METTL25: variants seen among roughly 807,000 people sequenced by gnomAD.
METTL25 encodes probable methyltransferase-like protein 25.
A neutral mutation model predicts 71.6 loss-of-function variants in METTL25; 64 were observed. The ratio of observed to expected loss-of-function variants is 0.89; its 90% confidence interval spans 0.73 to 1.10. The LOEUF (loss-of-function observed/expected upper bound fraction) is 1.10, where lower values mean the gene tolerates loss of function less well. METTL25 is among the 50% of genes least tolerant of loss of function. METTL25 has a pLI of 0.00. For missense variants in METTL25, 807 were observed against 707.0 expected, an observed-to-expected ratio of 1.14 and a Z score of -1.60; for synonymous variants, 287 against 250.3, an observed-to-expected ratio of 1.15 and a Z score of -1.38.
At chr12:82,405,237 C>T (rs561515319) in intron 5 of METTL25, among the ~76,000 whole-genome samples, 1 of 152,176 alleles carries the variant, frequency 6.6e-6, no homozygotes, top group Admixed American at 6.5e-5. Flanking sequence ...CTCTCACACT[C>T]TTTTCTGCAC....
chr12:82,467,128 TAA>T (rs562194761), intron 9 of METTL25, among the ~76,000 whole-genome samples: 1 of 144,674 alleles, frequency 6.9e-6, no homozygotes, highest in Admixed American at 6.9e-5. Context: ...GTTGGGTCTT[TAA>T]AAAAAAAAAA....
At chr12:82,437,236 A>G (rs1041799027) in intron 7 of METTL25, among the ~76,000 whole-genome samples, 1 of 151,704 alleles carries the variant, frequency 6.6e-6, no homozygotes, top group Non-Finnish European at 1.5e-5. Flanking sequence ...TTATATAAGA[A>G]TTGTGCCTTT....
At chr12:82,416,037 T>C (rs536181122) in intron 5 of METTL25, among the ~76,000 whole-genome samples, 2 of 152,248 alleles carry the variant, frequency 1.3e-5, no homozygotes, top group South Asian at 4.1e-4. Context: ...AGAGTCTATA[T>C]CTCAGTGATT....
At chr12:82,375,763 A>G (rs1883781322) in intron 1 of METTL25, among the ~76,000 whole-genome samples, 1 of 152,238 alleles carries the variant, frequency 6.6e-6, no homozygotes, top group African/African-American at 2.4e-5. Context: ...CCTTTATAAT[A>G]TCAGTATTCT....
chr12:82,378,565 T>A (rs1044689597), intron 1 of METTL25, among the ~76,000 whole-genome samples: 5 of 152,190 alleles, frequency 3.3e-5, no homozygotes, highest in Admixed American at 6.5e-5. Context: ...GAATAGAAGA[T>A]GAAATTGAAC....
chr12:82,458,075 A>T (rs922265973), intron 9 of METTL25, among the ~76,000 whole-genome samples: 2 of 152,088 alleles, frequency 1.3e-5, no homozygotes, highest in Admixed American at 6.6e-5. Flanking sequence ...AAAATTTATT[A>T]TCATTCCTTC....
intron 5 of METTL25, chr12:82,407,704 T>G (rs552635924): frequency 6.8e-5 from 31 of 453,358 alleles, no homozygotes; most frequent in Non-Finnish European, 8.4e-5. Flanking sequence ...GCAACGTGAG[T>G]ACCCTCAAAT....
intron 3 of METTL25, among the ~76,000 whole-genome samples, chr12:82,392,952 T>A (rs1885734600): frequency 6.6e-6 from 1 of 152,072 alleles, no homozygotes; most frequent in Non-Finnish European, 1.5e-5. Context: ...TGCATGGATT[T>A]AATTCTGGGT....
intron 5 of METTL25, among the ~76,000 whole-genome samples, chr12:82,417,023 A>G (rs888954627): frequency 6.6e-6 from 1 of 152,156 alleles, no homozygotes; most frequent in Admixed American, 6.6e-5. Context: ...TTGCAACTAA[A>G]ACTGAGAGGT....
chr12:82,474,391 A>G (rs1166431008), intron 9 of METTL25: 1 of 152,220 alleles, frequency 6.6e-6, no homozygotes, highest in Admixed American at 6.5e-5. Context: ...ATCAAATCTC[A>G]TCTGTATATT....
chr12:82,434,074 A>C (rs1363561272), intron 6 of METTL25, among the ~76,000 whole-genome samples: 1 of 151,260 alleles, frequency 6.6e-6, no homozygotes, highest in Admixed American at 6.6e-5. Flanking sequence ...TTTTAAATAA[A>C]TATAAATGCA....
intron 1 of METTL25, among the ~76,000 whole-genome samples, chr12:82,385,702 T>C (rs1884924359): frequency 6.6e-6 from 1 of 152,156 alleles, no homozygotes; most frequent in African/African-American, 2.4e-5. Flanking sequence ...AGCAGGGGTG[T>C]GCTGCAGTAA....
At position 82,435,316 on chromosome 12, in the gene METTL25, C is replaced by A. The variant is rs988177700; in HGVS notation, c.1404+592C>A. ...TTTAACCTAAAGTTTAGAAATATTT[C>A]TTTTGCTTTTGTTCAAGGAACATTA... is the stretch of plus-strand genomic sequence containing the variant. On this transcript the variant is annotated intron_variant, in intron 7 of 11. Coordinates refer to ENST00000248306, the MANE Select transcript of METTL25 (RefSeq NM_032230.3). 4.6e-5 allele frequency among the ~76,000 whole-genome samples: 7 copies of A among 151,178 alleles called. No homozygotes were observed. In the East Asian group the frequency reaches 1.2e-3, roughly 25 times the overall value.
chr12:82,424,336 T>G, intron 5 of METTL25, among the ~76,000 whole-genome samples: 1 of 150,332 alleles, frequency 6.7e-6, no homozygotes. Flanking sequence ...AATTGAACAT[T>G]GAGAACACTT....
At position 82,438,628 on chromosome 12, in the gene METTL25, G is replaced by A. The variant is rs77870060; in HGVS notation, c.1405-90G>A. 4.2e-3 allele frequency: 2,933 copies of A among 704,586 alleles called. 111 individuals carry two copies. In the East Asian group the frequency reaches 0.074, roughly 18 times the overall value. The allele number at this position is 704,586 out of a possible 1,614,324, so 43.6% of individuals were successfully genotyped here. Reference sequence around the variant, plus strand: ...TCTGTGTTTAGCAACAAAGGTTTCTGACAGTCACGTGTGGTTCCAACATTC... The same window carrying A: ...TCTGTGTTTAGCAACAAAGGTTTCTAACAGTCACGTGTGGTTCCAACATTC... On this transcript the variant is annotated intron_variant, in intron 7 of 11. Coordinates refer to ENST00000248306, the MANE Select transcript of METTL25 (RefSeq NM_032230.3).
chr12:82,455,312 G>A lies in METTL25; in HGVS notation c.1479-1415G>A, dbSNP rs544541619. Among the ~76,000 whole-genome samples the A allele has an allele frequency of 3.3e-5, 5 of 151,934 alleles. No individual in the cohort carries two copies. In the South Asian group the frequency reaches 1.0e-3, roughly 31 times the overall value. On this transcript the variant is annotated intron_variant, in intron 8 of 11. Transcript: ENST00000248306. Reference sequence around the variant, plus strand: ...ATATGGTATCTGTTACACCTAAGATGTATAGGATCTGAGAATAATGTGTAT... The same window carrying A: ...ATATGGTATCTGTTACACCTAAGATATATAGGATCTGAGAATAATGTGTAT...
Position 82,460,657 on chromosome 12 carries a change from C to G in METTL25, c.1572+3837C>G, listed in dbSNP as rs1891800993. Among the ~76,000 whole-genome samples, 3 of 152,274 alleles carry G rather than the reference C, an allele frequency of 2.0e-5. No individual in the cohort carries two copies. In the South Asian group the frequency reaches 6.2e-4, roughly 32 times the overall value. On this transcript the variant is annotated intron_variant, in intron 9 of 11. Transcript: ENST00000248306. ...TACAAAATACCTGATCAGTACTTCT[C>G]AAAACTGTCAAGGTCTGCAAATCAA...
intron 1 of METTL25, among the ~76,000 whole-genome samples, chr12:82,361,507 CG>C (rs1881887608): frequency 6.6e-6 from 1 of 152,072 alleles, no homozygotes; most frequent in African/African-American, 2.4e-5. Context: ...CAGGAGCCCA[CG>C]GTGGGGGGGA....
chr12:82,458,705 CT>C (rs1467391785), intron 9 of METTL25, among the ~76,000 whole-genome samples: 2 of 152,108 alleles, frequency 1.3e-5, no homozygotes, highest in Admixed American at 6.6e-5. Flanking sequence ...GCATTCTACT[CT>C]TCTGAATACT....
Sources: gnomAD v4.1 joint callset for allele counts (sites outside exome capture counted in the v4.1 genomes callset) on GRCh38, gnomAD v4.1.1 for gene constraint, MANE v1.5 for transcripts, NCBI Gene and HGNC (gene_info 2026-07-23, HGNC 2026-07-21) for gene names.